Variants in BICD2 observed in about 807,000 individuals in gnomAD.
The protein encoded by BICD2 is BICD cargo adaptor 2, also known as protein bicaudal D homolog 2.
A neutral mutation model predicts 72.9 loss-of-function variants in BICD2; 25 were observed. The ratio of observed to expected loss-of-function variants is 0.34; its 90% confidence interval spans 0.25 to 0.48. The LOEUF (loss-of-function observed/expected upper bound fraction) is 0.48. Among genes scored for constraint, BICD2 ranks in the 20% least tolerant of loss-of-function variants. The pLI, the probability that BICD2 is intolerant of heterozygous loss-of-function variation, is 0.99. For synonymous variants in BICD2, 501 were observed against 516.1 expected, an observed-to-expected ratio of 0.97 and a Z score of 0.40; for missense variants, 894 against 1,175.2, an observed-to-expected ratio of 0.76 and a Z score of 3.50.
intron 1 of BICD2, among the ~76,000 whole-genome samples, chr9:92,729,564 C>A (rs577295960): frequency 1.3e-5 from 2 of 152,214 alleles, no homozygotes; most frequent in Non-Finnish European, 2.9e-5. Context: ...AGCTGGGGGC[C>A]GGCAGAGGGA....
chr9:92,722,771 C>T lies in BICD2; in HGVS notation c.491G>A (p.Arg164Gln). Residue 164 changes from arginine (R) to glutamine (Q), a missense_variant, in exon 3 of 7, where the codon CGG becomes CAG. Physicochemically the swap from Arg to Gln is conservative, Grantham distance 43. Transcript: ENST00000356884. The stretch of plus-strand genomic sequence containing the variant: ...GAATTTGTACTCCTTGATGTCATCC[C>T]GCAGGCGGCCACGCTGGATCTCCAC... ...QNVEIQRGRL[R>Q]DDIKEYKFRE... is the part of the protein sequence containing the mutation. 1 of 1,613,342 alleles carries T rather than the reference C, an allele frequency of 6.2e-7. No individual in the cohort carries two copies.
At chr9:92,763,639 G>C (rs1329294170) in intron 1 of BICD2, among the ~76,000 whole-genome samples, 1 of 152,188 alleles carries the variant, frequency 6.6e-6, no homozygotes, top group Non-Finnish European at 1.5e-5. Flanking sequence ...GCTGGGGAAG[G>C]ACTGTCCAAG....
intron 1 of BICD2, among the ~76,000 whole-genome samples, chr9:92,758,794 T>C (rs776744452): frequency 2.9e-4 from 44 of 149,762 alleles, no homozygotes; most frequent in Non-Finnish European, 4.1e-4. Flanking sequence ...GCGGAGGTTG[T>C]GGTGAGCCAA....
chr9:92,758,294 G>A (rs1854303587), intron 1 of BICD2, among the ~76,000 whole-genome samples: 1 of 151,800 alleles, frequency 6.6e-6, no homozygotes, highest in South Asian at 2.1e-4. Context: ...GCTCACGCCT[G>A]TAATCCCAGC....
chr9:92,738,092 GCCAGGCTGCCTGGGC>G (rs1853825125), intron 1 of BICD2, among the ~76,000 whole-genome samples: 1 of 152,258 alleles, frequency 6.6e-6, no homozygotes, highest in South Asian at 2.1e-4. Context: ...CACACCTGAA[GCCAGGCTGCCTGGGC>G]CCACGTCCTG....
intron 2 of BICD2, among the ~76,000 whole-genome samples, chr9:92,727,273 C>T (rs1413809039): frequency 6.6e-6 from 1 of 152,238 alleles, no homozygotes; most frequent in Non-Finnish European, 1.5e-5. Context: ...ACTGCATACC[C>T]TCAGGGCCTA....
chr9:92,723,022 G>C (rs183528733), intron 2 of BICD2, among the ~76,000 whole-genome samples: 8 of 145,514 alleles, frequency 5.5e-5, no homozygotes, highest in Admixed American at 4.9e-4. Flanking sequence ...AATTCCCTCA[G>C]CCCTTCTCAC....
chr9:92,756,355 G>A (rs1213398838), intron 1 of BICD2, among the ~76,000 whole-genome samples: 2 of 151,498 alleles, frequency 1.3e-5, no homozygotes, highest in Non-Finnish European at 2.9e-5. Context: ...TCCGCCTCCC[G>A]GGTTCATGCC....
At chr9:92,756,483 G>A (rs1221505045) in intron 1 of BICD2, among the ~76,000 whole-genome samples, 1 of 151,310 alleles carries the variant, frequency 6.6e-6, no homozygotes, top group South Asian at 2.1e-4. Context: ...GGATGGTCTC[G>A]ATCTGCTGAC....
At chr9:92,754,510 A>G (rs1854216300) in intron 1 of BICD2, among the ~76,000 whole-genome samples, 1 of 152,252 alleles carries the variant, frequency 6.6e-6, no homozygotes, top group South Asian at 2.1e-4. Context: ...TCACAGAAGT[A>G]ATAAAATTGG....
intron 1 of BICD2, among the ~76,000 whole-genome samples, chr9:92,759,026 A>C (rs1854319985): frequency 6.6e-6 from 1 of 152,100 alleles, no homozygotes; most frequent in Non-Finnish European, 1.5e-5. Flanking sequence ...ATAATAAATT[A>C]AAAAGTAAAA....
At chr9:92,725,565 G>GAAGTACAGGGGAC (rs1364761993) in intron 2 of BICD2, among the ~76,000 whole-genome samples, 7 of 152,350 alleles carry the variant, frequency 4.6e-5, no homozygotes, top group Admixed American at 3.9e-4. Flanking sequence ...TCAGCCCAAA[G>GAAGTACAGGGGAC]AAGTACAGGG....
At chr9:92,763,963 C>T (rs1854426553) in intron 1 of BICD2, among the ~76,000 whole-genome samples, 1 of 152,238 alleles carries the variant, frequency 6.6e-6, no homozygotes, top group Non-Finnish European at 1.5e-5. Context: ...TGTCCACGAC[C>T]TTTCCCCACC....
At chr9:92,719,736 G>T (rs533910382) in intron 4 of BICD2, among the ~76,000 whole-genome samples, 154 bp from the exon 5 acceptor site, 3 of 152,306 alleles carry the variant, frequency 2.0e-5, no homozygotes, top group African/African-American at 7.2e-5. Flanking sequence ...GGTGGACAAA[G>T]ACACACAGGG....
intron 1 of BICD2, among the ~76,000 whole-genome samples, chr9:92,750,968 T>C (rs562199978): frequency 1.8e-4 from 28 of 152,234 alleles, no homozygotes; most frequent in African/African-American, 6.3e-4. Context: ...TGGAGTGCAG[T>C]GGCGAGATCT....
At chr9:92,721,462 A>C (rs993311172) in intron 3 of BICD2, among the ~76,000 whole-genome samples, 3 of 152,250 alleles carry the variant, frequency 2.0e-5, no homozygotes, top group Admixed American at 1.3e-4. Context: ...ATAGAAACTG[A>C]TGCCTGATGT....
chr9:92,727,838 T>G (rs980012994), intron 2 of BICD2, among the ~76,000 whole-genome samples: 1 of 152,192 alleles, frequency 6.6e-6, no homozygotes, highest in Non-Finnish European at 1.5e-5. Context: ...ACACTCCTCC[T>G]GCCCTTGGCT....
At chr9:92,732,898 C>T (rs751121640) in intron 1 of BICD2, among the ~76,000 whole-genome samples, 3 of 152,168 alleles carry the variant, frequency 2.0e-5, no homozygotes, top group Non-Finnish European at 4.4e-5. Flanking sequence ...ATATAAAGTA[C>T]TTATTTTTCT....
chr9:92,744,933 TC>T (rs1853978371), intron 1 of BICD2, among the ~76,000 whole-genome samples: 1 of 152,154 alleles, frequency 6.6e-6, no homozygotes, highest in Non-Finnish European at 1.5e-5. Flanking sequence ...GCACTTAAAA[TC>T]TATACATTTT....
Sources: allele counts gnomAD v4.1 joint callset (sites outside exome capture counted in the v4.1 genomes callset), GRCh38; gene constraint gnomAD v4.1.1; transcripts MANE v1.5; gene names NCBI Gene and HGNC (gene_info 2026-07-23, HGNC 2026-07-21).